Variants in NALCN observed in about 807,000 individuals in gnomAD.
The protein encoded by NALCN is sodium leak channel NALCN.
In NALCN, 111 loss-of-function variants were observed where a neutral mutation model predicts 225.3. The ratio of observed to expected loss-of-function variants is 0.49; its 90% confidence interval spans 0.42 to 0.58. NALCN has a LOEUF of 0.58. NALCN is among the 20% of genes least tolerant of loss of function. NALCN has a pLI of 0.00. For synonymous variants in NALCN, 764 were observed against 769.0 expected (o/e 0.99, Z 0.11); for missense variants, 1,378 against 2,202.4 (o/e 0.63, Z 7.49).
At chr13:101,391,604 T>G (rs4772374) in intron 3 of NALCN, among the ~76,000 whole-genome samples, 14,802 of 151,910 alleles carry the variant, frequency 0.097, 1,107 homozygotes, top group East Asian at 0.32. Flanking sequence ...GATCTCTTGA[T>G]CCCAAGAGCT....
At chr13:101,375,152 T>C (rs1250585203) in intron 6 of NALCN, among the ~76,000 whole-genome samples, 8 of 152,192 alleles carry the variant, frequency 5.3e-5, no homozygotes, top group Non-Finnish European at 1.2e-4. Context: ...GATACACTTA[T>C]GCCTACCACC....
At chr13:101,080,472 ATAAT>A (rs1446220853) in intron 34 of NALCN, among the ~76,000 whole-genome samples, 5 of 146,076 alleles carry the variant, frequency 3.4e-5, no homozygotes, top group Non-Finnish European at 6.0e-5. Flanking sequence ...TAAATTGTTA[ATAAT>A]TAAATTATAT....
chr13:101,195,842 G>A (rs2039869961), intron 13 of NALCN, among the ~76,000 whole-genome samples: 1 of 152,076 alleles, frequency 6.6e-6, no homozygotes, highest in Non-Finnish European at 1.5e-5. Flanking sequence ...CCACTTGTCA[G>A]GTCACCTCTT....
chr13:101,206,676 A>C (rs1278867825), intron 13 of NALCN, among the ~76,000 whole-genome samples: 1 of 151,384 alleles, frequency 6.6e-6, no homozygotes, highest in African/African-American at 2.4e-5. Context: ...AAAAAATCTC[A>C]AAATACCAAA....
intron 15 of NALCN, among the ~76,000 whole-genome samples, chr13:101,164,040 A>T (rs1360291080): frequency 6.6e-6 from 1 of 152,052 alleles, no homozygotes; most frequent in East Asian, 1.9e-4. Context: ...TTATGAGGAC[A>T]ACAGTCATAT....
At chr13:101,325,365 T>C (rs1295346374) in intron 7 of NALCN, among the ~76,000 whole-genome samples, 1 of 152,196 alleles carries the variant, frequency 6.6e-6, no homozygotes, top group Non-Finnish European at 1.5e-5. Flanking sequence ...CAATTTGCAA[T>C]GTGGGCACTG....
intron 34 of NALCN, among the ~76,000 whole-genome samples, chr13:101,081,081 T>C (rs990991924): frequency 6.6e-6 from 1 of 152,178 alleles, no homozygotes; most frequent in African/African-American, 2.4e-5. Context: ...GAGAATCACA[T>C]TGTGAAATAC....
chr13:101,161,021 C>A (rs571351699), intron 15 of NALCN, among the ~76,000 whole-genome samples: 1 of 152,284 alleles, frequency 6.6e-6, no homozygotes, highest in Admixed American at 6.5e-5. Context: ...TTCCTCAAGG[C>A]TCCAGCATAT....
intron 13 of NALCN, among the ~76,000 whole-genome samples, chr13:101,199,773 T>C (rs1476079614): frequency 6.6e-6 from 1 of 152,028 alleles, no homozygotes; most frequent in African/African-American, 2.4e-5. Flanking sequence ...GTTGTGCACA[T>C]GTACCCTAGA....
intron 12 of NALCN, among the ~76,000 whole-genome samples, chr13:101,232,830 T>C (rs1437642516): frequency 1.3e-5 from 2 of 152,194 alleles, no homozygotes; most frequent in African/African-American, 4.8e-5. Context: ...CAAACAGCTT[T>C]ATCATAAGAA....
At chr13:101,061,932 G>C (rs2031977694) in intron 41 of NALCN, 36 bp downstream of exon 41, 1 of 1,586,158 alleles carries the variant, frequency 6.3e-7, no homozygotes, top group African/African-American at 1.3e-5. Flanking sequence ...GCGGGGCGGG[G>C]CGGGGACCCA....
In NALCN at chr13:101,168,062, G is replaced by A. The variant is rs559873087; in HGVS notation, c.1839+8238C>T. Among the ~76,000 whole-genome samples, 10 of 152,110 alleles carry A rather than the reference G, an allele frequency of 6.6e-5. No homozygotes were observed. In the South Asian group the frequency reaches 1.0e-3, roughly 16 times the overall value. ...TGACCTCTCTGAAGTCTTTGAGATC[G>A]TTGAACAAGGATCTCTCTTGAAACT... On this transcript the variant is annotated intron_variant, in intron 15 of 43. Transcript: ENST00000251127.
chr13:101,306,147 T>C (rs1412355897), intron 7 of NALCN, among the ~76,000 whole-genome samples: 2 of 152,184 alleles, frequency 1.3e-5, no homozygotes, highest in African/African-American at 2.4e-5. Flanking sequence ...CCGAGGCCAG[T>C]TGGTGACCCA....
At chr13:101,165,993 T>C (rs185903851) in intron 15 of NALCN, among the ~76,000 whole-genome samples, 65 of 152,376 alleles carry the variant, frequency 4.3e-4, no homozygotes, top group African/African-American at 1.5e-3. Context: ...AGAGAAACCA[T>C]ACAGAATTTG....
intron 35 of NALCN, among the ~76,000 whole-genome samples, chr13:101,075,270 C>T (rs1344067944): frequency 1.3e-5 from 2 of 151,908 alleles, no homozygotes; most frequent in African/African-American, 2.4e-5. Context: ...TCCTGGCTAA[C>T]GTGGTGAAAC....
rs2041481500 is a variant in NALCN at position 101,234,690 on chromosome 13, C to T, written c.1434+3065G>A. Among the ~76,000 whole-genome samples, 3 of 152,138 alleles carry T rather than the reference C, an allele frequency of 2.0e-5. No homozygotes were observed. The South Asian group carries it at 6.2e-4, about 31-fold the overall frequency. On this transcript the variant is annotated intron_variant, in intron 12 of 43. Coordinates refer to ENST00000251127, the MANE Select transcript of NALCN (RefSeq NM_052867.4). ...TACATTAGAAAAAGAGAAGCATGGC[C>T]ATGTATAGAGAGATACAAATGAAAA...
intron 6 of NALCN, among the ~76,000 whole-genome samples, chr13:101,369,896 C>G (rs867016620): frequency 2.0e-5 from 3 of 152,180 alleles, no homozygotes; most frequent in Non-Finnish European, 4.4e-5. Context: ...AATTTTCTTA[C>G]TCCGTATATG....
intron 6 of NALCN, among the ~76,000 whole-genome samples, chr13:101,356,474 G>C (rs116791659): frequency 6.6e-6 from 1 of 151,026 alleles, no homozygotes; most frequent in Non-Finnish European, 1.5e-5. Flanking sequence ...TTGGACACAC[G>C]CACCCTCCCA....
intron 14 of NALCN, among the ~76,000 whole-genome samples, chr13:101,185,249 C>T (rs1300621985): frequency 6.6e-6 from 1 of 152,194 alleles, no homozygotes; most frequent in African/African-American, 2.4e-5. Context: ...ATTTAATTTA[C>T]ACTTTGGAAT....
Sources: gnomAD v4.1 joint callset for allele counts (sites outside exome capture counted in the v4.1 genomes callset) on GRCh38, gnomAD v4.1.1 for gene constraint, MANE v1.5 for transcripts, NCBI Gene and HGNC (gene_info 2026-07-23, HGNC 2026-07-21) for gene names.